TMCC3: variants seen among roughly 807,000 people sequenced by gnomAD.
TMCC3 encodes the protein transmembrane and coiled-coil domain family 3.
Under a neutral mutation model 40.2 loss-of-function variants are expected in TMCC3, and 28 were observed. The ratio of observed to expected loss-of-function variants is 0.70; its 90% CI spans 0.52 to 0.95. TMCC3 has a LOEUF of 0.95. Among genes scored for constraint, TMCC3 ranks in the 40% least tolerant of loss-of-function variants. The pLI is 0.00. For missense variants in TMCC3, 554 were observed against 615.2 expected, an observed-to-expected ratio of 0.90 and a Z score of 1.05; for synonymous variants, 255 against 248.5, an observed-to-expected ratio of 1.03 and a Z score of -0.25.
In TMCC3 at chr12:94,581,753, G is replaced by A. The variant is rs375717870; in HGVS notation, c.864C>T (p.Ala288=). The A allele has an allele frequency of 2.4e-4, 387 of 1,614,158 alleles. 5 individuals carry two copies. In the South Asian group the frequency reaches 2.7e-3, roughly 11 times the overall value. The change falls in exon 2 of 4, where the codon GCC becomes GCT. Residue 288 remains alanine, a synonymous_variant. Transcript: ENST00000261226. ...ASTLDSQGKL[A]VILEELREIK... is the part of the protein sequence containing the mutation. ...TCTCCCTCAGTTCCTCCAGGATCACGGCGAGCTTGCCCTGGCTGTCCAGTG... is the reference window on the plus strand; with the variant it reads ...TCTCCCTCAGTTCCTCCAGGATCACAGCGAGCTTGCCCTGGCTGTCCAGTG...
intron 1 of TMCC3, among the ~76,000 whole-genome samples, chr12:94,613,446 G>T (rs2068828274): frequency 6.6e-6 from 1 of 152,088 alleles, no homozygotes; most frequent in Non-Finnish European, 1.5e-5. Context: ...CAGCCTGGGT[G>T]ACAGAGCGAG....
intron 1 of TMCC3, among the ~76,000 whole-genome samples, chr12:94,596,166 T>A (rs1261002156): frequency 6.6e-6 from 1 of 152,352 alleles, no homozygotes; most frequent in East Asian, 1.9e-4. Flanking sequence ...CCTGATGTTT[T>A]GAGTACATCT....
At chr12:94,647,855 T>G (rs925894050) in intron 1 of TMCC3, among the ~76,000 whole-genome samples, 5 of 152,250 alleles carry the variant, frequency 3.3e-5, no homozygotes, top group East Asian at 3.8e-4. Flanking sequence ...CAGGACAGAC[T>G]TGAAATTACA....
chr12:94,598,345 C>A (rs2068730666), intron 1 of TMCC3, among the ~76,000 whole-genome samples: 1 of 148,028 alleles, frequency 6.8e-6, no homozygotes, highest in African/African-American at 2.5e-5. Context: ...CCCCTCAAAT[C>A]TACTTAGTTT....
At chr12:94,626,296 C>T (rs910784672) in intron 1 of TMCC3, among the ~76,000 whole-genome samples, 15 of 152,162 alleles carry the variant, frequency 9.9e-5, no homozygotes, top group African/African-American at 3.6e-4. Context: ...GTATCATCTG[C>T]TAACAAAATC....
intron 1 of TMCC3, among the ~76,000 whole-genome samples, chr12:94,589,138 T>G (rs1033092012): frequency 1.0e-4 from 2 of 19,980 alleles, no homozygotes; most frequent in African/African-American, 1.9e-4. Flanking sequence ...GAGGTTGTTG[T>G]TTTTTTTTAG....
chr12:94,636,047 T>C (rs1018666589), intron 1 of TMCC3, among the ~76,000 whole-genome samples: 2 of 152,154 alleles, frequency 1.3e-5, no homozygotes, highest in African/African-American at 4.8e-5. Context: ...AGAATAAGTG[T>C]GGCAGAATTA....
intron 1 of TMCC3, among the ~76,000 whole-genome samples, chr12:94,640,262 A>T (rs1473500244): frequency 7.3e-5 from 11 of 151,490 alleles, no homozygotes. Context: ...CACCCCTCCC[A>T]CCTCACCCCT....
chr12:94,581,502 G>A (rs780622409), intron 2 of TMCC3, 120 bp downstream of exon 2: 100 of 576,770 alleles, frequency 1.7e-4, no homozygotes, highest in African/African-American at 6.6e-4. Context: ...CACCTATCAC[G>A]TACCCACTAA....
chr12:94,610,900 T>C (rs906431578), intron 1 of TMCC3, among the ~76,000 whole-genome samples: 11 of 152,220 alleles, frequency 7.2e-5, no homozygotes, highest in Admixed American at 2.0e-4. Flanking sequence ...CTCTGGGGAA[T>C]AGGACTGGGA....
At chr12:94,582,559 G>A in intron 1 of TMCC3, 21 bp from the exon 2 acceptor site, 2 of 1,556,232 alleles carry the variant, frequency 1.3e-6, no homozygotes, top group Non-Finnish European at 8.7e-7. Context: ...CAGGAAAGAA[G>A]CACATTAAAA....
intron 1 of TMCC3, among the ~76,000 whole-genome samples, chr12:94,625,190 G>C (rs73375888): frequency 0.014 from 2,151 of 150,506 alleles, 49 homozygotes; most frequent in African/African-American, 0.05. Context: ...GATTACCTCT[G>C]TAAAGACTGT....
chr12:94,597,156 T>TATATATATATATATATATATATATATAA (rs2068722036), intron 1 of TMCC3, among the ~76,000 whole-genome samples: 1 of 15,110 alleles, frequency 6.6e-5, no homozygotes, highest in African/African-American at 1.6e-4. Flanking sequence ...TATATATATA[T>TATATATATATATATATATATATATATAA]ATGTATATAA....
At position 94,588,400 on chromosome 12, in the gene TMCC3, C is replaced by T. The variant is rs2068650795; in HGVS notation, c.79-5862G>A. On this transcript the variant is annotated intron_variant, in intron 1 of 3. Transcript: ENST00000261226. ...GGTTCTGGAGGCCACAGAGTAGCCACAATGTGTAGGGATGCAGAGCTATCA... is the reference window on the plus strand; with the variant it reads ...GGTTCTGGAGGCCACAGAGTAGCCATAATGTGTAGGGATGCAGAGCTATCA... Among the ~76,000 whole-genome samples, 3 of 152,156 alleles carry T rather than the reference C, an allele frequency of 2.0e-5. No individual in the cohort carries two copies. In the South Asian group the frequency reaches 6.2e-4, roughly 31 times the overall value.
intron 3 of TMCC3, among the ~76,000 whole-genome samples, chr12:94,572,239 C>T (rs1310616759): frequency 2.0e-5 from 3 of 151,422 alleles, no homozygotes; most frequent in Non-Finnish European, 4.4e-5. Flanking sequence ...ACCTCGTGAT[C>T]GGCCCACCTC....
intron 2 of TMCC3, among the ~76,000 whole-genome samples, chr12:94,579,160 A>G (rs372119462): frequency 1.3e-5 from 2 of 152,224 alleles, no homozygotes; most frequent in East Asian, 3.8e-4. Context: ...ACAGAAGTAC[A>G]AAGATTCTCA....
chr12:94,593,710 C>T (rs921303660), intron 1 of TMCC3, among the ~76,000 whole-genome samples: 1 of 152,142 alleles, frequency 6.6e-6, no homozygotes, highest in South Asian at 2.1e-4. Flanking sequence ...ATTATCTTCT[C>T]ATTAAGCCTC....
chr12:94,572,766 C>T (rs930732227), intron 3 of TMCC3, among the ~76,000 whole-genome samples: 7 of 152,112 alleles, frequency 4.6e-5, no homozygotes, highest in African/African-American at 1.7e-4. Flanking sequence ...TCCTTATTTC[C>T]ACCGCTCAAA....
At chr12:94,647,228 AC>A (rs1351176976) in intron 1 of TMCC3, among the ~76,000 whole-genome samples, 10 of 152,192 alleles carry the variant, frequency 6.6e-5, no homozygotes, top group African/African-American at 2.2e-4. Context: ...AATGATCCTG[AC>A]TTGTCAGCTT....
Sources: gnomAD v4.1 joint callset for allele counts (sites outside exome capture counted in the v4.1 genomes callset) on GRCh38, gnomAD v4.1.1 for gene constraint, MANE v1.5 for transcripts, NCBI Gene and HGNC (gene_info 2026-07-23, HGNC 2026-07-21) for gene names.